Variants in CSMD1 observed in about 807,000 individuals in gnomAD.
The protein encoded by CSMD1 is CUB and Sushi multiple domains 1, also known as CUB and sushi domain-containing protein 1.
A neutral mutation model predicts 417.5 loss-of-function variants in CSMD1; 213 were observed. That is an observed-to-expected ratio of 0.51 (90% CI 0.46 to 0.57). CSMD1 has a LOEUF of 0.57. CSMD1 is among the 20% of genes least tolerant of loss of function. The pLI, the probability that CSMD1 is intolerant of heterozygous loss-of-function variation, is 0.00. For missense variants in CSMD1, 6,923 were observed against 4,529.7 expected, an observed-to-expected ratio of 1.53 and a Z score of -15.17; for synonymous variants, 2,862 against 1,736.8, an observed-to-expected ratio of 1.65 and a Z score of -16.11.
intron 51 of CSMD1, among the ~76,000 whole-genome samples, chr8:3,028,829 G>A (rs530982669): frequency 1.3e-5 from 2 of 152,226 alleles, no homozygotes; most frequent in South Asian, 4.2e-4. Flanking sequence ...TACTAGCATT[G>A]TTTTATTTTT....
intron 2 of CSMD1, among the ~76,000 whole-genome samples, chr8:4,575,600 T>C (rs1799100366): frequency 6.6e-6 from 1 of 152,324 alleles, no homozygotes; most frequent in South Asian, 2.1e-4. Context: ...TTCATTATGA[T>C]ATGGTAGACA....
At chr8:3,078,951 C>A (rs144868646) in intron 49 of CSMD1, among the ~76,000 whole-genome samples, 1 of 151,124 alleles carries the variant, frequency 6.6e-6, no homozygotes, top group African/African-American at 2.4e-5. Context: ...CCAACATTTG[C>A]GTTTAGTCCT....
chr8:3,242,285 C>G (rs1337228637), intron 26 of CSMD1, among the ~76,000 whole-genome samples: 1 of 150,538 alleles, frequency 6.6e-6, no homozygotes, highest in Non-Finnish European at 1.5e-5. Context: ...CCTAGCTCGG[C>G]CTGGGGAGGA....
chr8:3,045,284 C>G (rs568136808), intron 50 of CSMD1, among the ~76,000 whole-genome samples: 1 of 152,180 alleles, frequency 6.6e-6, no homozygotes, highest in South Asian at 2.1e-4. Flanking sequence ...GTTTAACAAC[C>G]ATTTAATGGA....
chr8:3,934,909 G>C (rs770842496), intron 5 of CSMD1, among the ~76,000 whole-genome samples: 1 of 151,926 alleles, frequency 6.6e-6, no homozygotes, highest in African/African-American at 2.4e-5. Flanking sequence ...TTTCCAAGAA[G>C]AACATTATAA....
intron 2 of CSMD1, among the ~76,000 whole-genome samples, chr8:4,603,720 T>C (rs1234181990): frequency 1.3e-5 from 2 of 152,154 alleles, no homozygotes; most frequent in African/African-American, 4.8e-5. Context: ...TTGGCTTGTA[T>C]GCTAATGAAA....
intron 5 of CSMD1, among the ~76,000 whole-genome samples, chr8:3,817,343 G>T (rs1427052595): frequency 7.6e-6 from 1 of 131,434 alleles, no homozygotes; most frequent in Non-Finnish European, 1.5e-5. Context: ...TACAGTGGCG[G>T]GATCTTGGCT....
chr8:3,534,937 A>C (rs1276713297), intron 10 of CSMD1, among the ~76,000 whole-genome samples: 2 of 152,118 alleles, frequency 1.3e-5, no homozygotes, highest in Non-Finnish European at 2.9e-5. Context: ...GGTTACTGTA[A>C]GACATGTATT....
intron 2 of CSMD1, among the ~76,000 whole-genome samples, chr8:4,531,785 T>C (rs564716754): frequency 1.3e-5 from 2 of 152,346 alleles, no homozygotes; most frequent in South Asian, 4.1e-4. Context: ...TTAGTATATG[T>C]GCAGAGTTTT....
At chr8:3,950,841 G>C (rs1164221016) in intron 5 of CSMD1, among the ~76,000 whole-genome samples, 1 of 151,988 alleles carries the variant, frequency 6.6e-6, no homozygotes, top group Non-Finnish European at 1.5e-5. Flanking sequence ...GTGCTAAGTA[G>C]AATATTTTCT....
chr8:3,844,308 T>A (rs372397890), intron 5 of CSMD1, among the ~76,000 whole-genome samples: 21 of 152,076 alleles, frequency 1.4e-4, no homozygotes, highest in African/African-American at 5.1e-4. Flanking sequence ...AATAACAGCA[T>A]TGGTGGATCA....
At chr8:4,009,477 T>C (rs906967590) in intron 4 of CSMD1, among the ~76,000 whole-genome samples, 10 of 152,174 alleles carry the variant, frequency 6.6e-5, no homozygotes, top group South Asian at 4.1e-4. Context: ...ATTCAAACCA[T>C]AGGGTCATCA....
intron 25 of CSMD1, among the ~76,000 whole-genome samples, chr8:3,287,313 A>G (rs1181977662): frequency 3.3e-5 from 5 of 152,004 alleles, no homozygotes; most frequent in African/African-American, 1.2e-4. Flanking sequence ...ATGAACTTTA[A>G]AGTAGTTTTT....
At position 3,445,680 on chromosome 8, in the gene CSMD1, G is replaced by A. The variant is rs571587665; in HGVS notation, c.1561+23032C>T. On this transcript the variant is annotated intron_variant, in intron 12 of 69. Transcript: ENST00000635120. ...GGTAGAAATACGTCGGAACTAGAGG[G>A]GACGAGAGGAAACAAGGCCATGTAG... Among the ~76,000 whole-genome samples, 10 of 152,186 alleles carry A rather than the reference G, an allele frequency of 6.6e-5. No homozygotes were observed. The East Asian group carries it at 1.7e-3, about 26-fold the overall frequency.
intron 5 of CSMD1, among the ~76,000 whole-genome samples, chr8:3,817,012 T>C (rs1056219772): frequency 2.0e-5 from 3 of 152,022 alleles, no homozygotes; most frequent in East Asian, 1.9e-4. Flanking sequence ...CATTGTGTTG[T>C]AAAGAAAAAA....
intron 6 of CSMD1, among the ~76,000 whole-genome samples, chr8:3,744,058 C>A (rs1796944543): frequency 6.6e-6 from 1 of 152,228 alleles, no homozygotes; most frequent in Admixed American, 6.5e-5. Flanking sequence ...TCACAATCCT[C>A]TTCCGAGAAG....
intron 3 of CSMD1, among the ~76,000 whole-genome samples, chr8:4,386,883 G>C (rs1415445535): frequency 6.6e-6 from 1 of 152,152 alleles, no homozygotes; most frequent in Admixed American, 6.5e-5. Context: ...GACTGAAAAA[G>C]GTATAGTATC....
At chr8:3,547,824 G>A (rs964494293) in intron 10 of CSMD1, among the ~76,000 whole-genome samples, 1 of 152,088 alleles carries the variant, frequency 6.6e-6, no homozygotes, top group Non-Finnish European at 1.5e-5. Flanking sequence ...TTAAAGACAT[G>A]CAAACAAAGT....
At chr8:3,575,214 G>C (rs951788496) in intron 9 of CSMD1, 148 bp from the exon 10 acceptor site, 2 of 825,030 alleles carry the variant, frequency 2.4e-6, no homozygotes, top group Non-Finnish European at 3.7e-6. Flanking sequence ...ACTGGGGCAT[G>C]GACTCCAGTC....
Sources: gnomAD v4.1 joint callset for allele counts (sites outside exome capture counted in the v4.1 genomes callset) on GRCh38, gnomAD v4.1.1 for gene constraint, MANE v1.5 for transcripts, NCBI Gene and HGNC (gene_info 2026-07-23, HGNC 2026-07-21) for gene names.